STMND1: variants seen among roughly 807,000 people sequenced by gnomAD.
The protein encoded by STMND1 is stathmin domain containing 1.
STMND1 carries 17 observed loss-of-function variants against 23.0 expected under a neutral mutation model. That is an observed-to-expected ratio of 0.74 (90% CI 0.51 to 1.11). The LOEUF (loss-of-function observed/expected upper bound fraction) is 1.11, where lower values mean the gene tolerates loss of function less well. Ranked by LOEUF, STMND1 falls within the 50% of genes least tolerant of loss-of-function variation. The pLI is 0.00. For synonymous variants in STMND1, 114 were observed against 119.9 expected, an observed-to-expected ratio of 0.95 and a Z score of 0.32; for missense variants, 305 against 329.1, an observed-to-expected ratio of 0.93 and a Z score of 0.57.
chr6:17,102,215 G>T lies in STMND1; in HGVS notation c.-43G>T. The T allele has an allele frequency of 1.3e-6, 2 of 1,499,656 alleles. No homozygotes were observed. The highest frequency in any genetic ancestry group is 1.8e-6 in the Non-Finnish European group (2 of 1,131,496). 92.9% of individuals were successfully genotyped at this position (1,499,656 alleles called of 1,614,324 possible). On this transcript the variant is annotated 5_prime_UTR_variant, in exon 1 of 5. Transcript: ENST00000536551. Reference sequence around the variant, plus strand: ...CGCGGCAGGGAGCGCTCGCGGGGGCGCACAGCAGCCAAGCCCGCGGAGGAG... The same window carrying T: ...CGCGGCAGGGAGCGCTCGCGGGGGCTCACAGCAGCCAAGCCCGCGGAGGAG...
chr6:17,122,924 G>A (rs1761251534), intron 3 of STMND1, among the ~76,000 whole-genome samples: 1 of 152,020 alleles, frequency 6.6e-6, no homozygotes, highest in African/African-American at 2.4e-5. Flanking sequence ...TCTAGCTGTA[G>A]GTGAGTCTGT....
intron 2 of STMND1, among the ~76,000 whole-genome samples, chr6:17,119,188 A>G (rs191718435): frequency 7.3e-4 from 111 of 152,334 alleles, no homozygotes; most frequent in East Asian, 3.3e-3. Flanking sequence ...CTCTATTACA[A>G]ACACTTGCAA....
chr6:17,121,092 C>A (rs181610081), intron 3 of STMND1, among the ~76,000 whole-genome samples: 300 of 152,308 alleles, frequency 2.0e-3, no homozygotes, highest in Non-Finnish European at 3.7e-3. Flanking sequence ...TTATAAGTGT[C>A]TGGCATTTTC....
At chr6:17,119,905 A>G in intron 2 of STMND1, among the ~76,000 whole-genome samples, 1 of 152,190 alleles carries the variant, frequency 6.6e-6, no homozygotes, top group Admixed American at 6.5e-5. Flanking sequence ...ATGTGATGGC[A>G]TAAACTCGGC....
intron 1 of STMND1, among the ~76,000 whole-genome samples, chr6:17,108,756 G>A (rs779028114): frequency 3.3e-5 from 5 of 150,518 alleles, no homozygotes; most frequent in Non-Finnish European, 7.4e-5. Flanking sequence ...GAGTGCAGTG[G>A]TGTAATCTCG....
In STMND1 at chr6:17,131,049, A is replaced by G. The variant is rs1253947488; in HGVS notation, c.*168A>G. ...GGCTGAAGGTTAGTTGAGTAAATTA[A>G]GTAGCTATGCTAGCTTTTAAAAAAA... On this transcript the variant is annotated 3_prime_UTR_variant, in exon 5 of 5. Transcript: ENST00000536551. 1 of 589,590 alleles carries G rather than the reference A, an allele frequency of 1.7e-6. No homozygotes were observed. 36.5% of individuals were successfully genotyped at this position (589,590 alleles called of 1,614,324 possible).
intron 1 of STMND1, among the ~76,000 whole-genome samples, chr6:17,113,576 T>G (rs1366908014): frequency 6.6e-6 from 1 of 152,162 alleles, no homozygotes; most frequent in African/African-American, 2.4e-5. Flanking sequence ...CACATAAAAC[T>G]GATCATTGCA....
chr6:17,113,963 T>C (rs983720270), intron 1 of STMND1, among the ~76,000 whole-genome samples: 7 of 152,182 alleles, frequency 4.6e-5, no homozygotes, highest in Non-Finnish European at 7.3e-5. Context: ...CTATAGCCAA[T>C]TCACACAAAT....
intron 1 of STMND1, among the ~76,000 whole-genome samples, chr6:17,112,065 A>G (rs1761103228): frequency 6.6e-6 from 1 of 152,230 alleles, no homozygotes; most frequent in African/African-American, 2.4e-5. Flanking sequence ...TTTAAAATGT[A>G]CAATTGACAG....
At chr6:17,126,582 T>C (rs1231107446) in intron 3 of STMND1, among the ~76,000 whole-genome samples, 1 of 152,172 alleles carries the variant, frequency 6.6e-6, no homozygotes, top group Admixed American at 6.5e-5. Flanking sequence ...AAAAAATCAT[T>C]TTCTTGCTAA....
chr6:17,120,345 A>G (rs1486378647), intron 2 of STMND1, among the ~76,000 whole-genome samples: 1 of 152,222 alleles, frequency 6.6e-6, no homozygotes, highest in Non-Finnish European at 1.5e-5. Flanking sequence ...GGCAGTCCAC[A>G]GCAGCACACA....
At chr6:17,116,686 T>A (rs918710637) in intron 2 of STMND1, among the ~76,000 whole-genome samples, 1 of 152,124 alleles carries the variant, frequency 6.6e-6, no homozygotes, top group Non-Finnish European at 1.5e-5. Flanking sequence ...GTGATCCACC[T>A]GCCTCAGCCT....
At chr6:17,128,139 A>T (rs1761334167) in intron 3 of STMND1, 1 of 152,232 alleles carries the variant, frequency 6.6e-6, no homozygotes, top group East Asian at 1.9e-4. Context: ...TTTTAAAACA[A>T]AACACCTTAA....
At chr6:17,104,343 TG>T (rs1411176904) in intron 1 of STMND1, among the ~76,000 whole-genome samples, 1 of 152,244 alleles carries the variant, frequency 6.6e-6, no homozygotes, top group Admixed American at 6.5e-5. Flanking sequence ...TTTATTTTGC[TG>T]GCCTGATTAC....
At chr6:17,114,261 TTC>T (rs1379491350) in intron 1 of STMND1, among the ~76,000 whole-genome samples, 1 of 148,636 alleles carries the variant, frequency 6.7e-6, no homozygotes, top group Non-Finnish European at 1.5e-5. Context: ...AGGCATTAGA[TTC>T]TCTTTTTTTT....
At position 17,115,692 on chromosome 6, in the gene STMND1, G is replaced by T. The variant is rs555076670; in HGVS notation, c.259+553G>T. On this transcript the variant is annotated intron_variant, in intron 2 of 4. Coordinates refer to ENST00000536551, the MANE Select transcript of STMND1 (RefSeq NM_001190766.2). ...GTGTTTTCCCTTGACTTGAGTTACC[G>T]CCTGGTGTCCATTTAAGTCATCTTA... is the stretch of plus-strand genomic sequence containing the variant. 2.0e-5 allele frequency among the ~76,000 whole-genome samples: 3 copies of T among 152,246 alleles called. No homozygotes were observed. The South Asian group carries it at 6.2e-4, about 32-fold the overall frequency.
At chr6:17,103,697 G>A (rs1760975949) in intron 1 of STMND1, among the ~76,000 whole-genome samples, 1 of 149,118 alleles carries the variant, frequency 6.7e-6, no homozygotes, top group Non-Finnish European at 1.5e-5. Flanking sequence ...TCAGCCTCCT[G>A]AGTAGCTGGG....
Position 17,120,562 on chromosome 6 carries a change from A to T in STMND1, c.260-45A>T, listed in dbSNP as rs895529588. The T allele has an allele frequency of 1.3e-5, 18 of 1,421,800 alleles. No homozygotes were observed. In the African/African-American group the frequency reaches 2.2e-4, roughly 17 times the overall value. 88.1% of individuals were successfully genotyped at this position (1,421,800 alleles called of 1,614,324 possible). The stretch of plus-strand genomic sequence containing the variant: ...TTAGCATTTGATTGAAAAAATCTTC[A>T]TTCTTAAATTTTGCTTTCTTTTTTC... On this transcript the variant is annotated intron_variant, in intron 2 of 4. Transcript: ENST00000536551.
rs750347593 is a variant in STMND1, at chr6:17,115,000, C to A, written c.120C>A (p.Ser40Arg). 2 of 1,531,296 alleles carry A rather than the reference C, an allele frequency of 1.3e-6. No homozygotes were observed. Among genetic ancestry groups the A allele is most frequent in the African/African-American group, 2.7e-5 (2 of 72,868 alleles). The allele number at this position is 1,531,296 out of a possible 1,614,324, so 94.9% of individuals were successfully genotyped here. ...VSVPHTGENC[S>R]PRMEAALTKN... ...TGCCTCATACTGGGGAAAATTGCAG[C>A]CCCCGGATGGAAGCTGCTCTGACCA... The change falls in exon 2 of 5, where the codon AGC (serine) becomes AGA (arginine). Residue 40 changes from serine (S) to arginine (R), a missense_variant. Transcript: ENST00000536551.
Sources: allele counts gnomAD v4.1 joint callset (sites outside exome capture counted in the v4.1 genomes callset), GRCh38; gene constraint gnomAD v4.1.1; transcripts MANE v1.5; gene names NCBI Gene and HGNC (gene_info 2026-07-23, HGNC 2026-07-21).